CSMD1: variants seen among roughly 807,000 people sequenced by gnomAD.
CSMD1 encodes CUB and Sushi multiple domains 1.
Under a neutral mutation model 417.5 loss-of-function variants are expected in CSMD1, and 213 were observed. The ratio of observed to expected loss-of-function variants is 0.51; its 90% CI spans 0.46 to 0.57. The LOEUF is 0.57. CSMD1 is among the 20% of genes least tolerant of loss of function. CSMD1 has a pLI of 0.00. For missense variants in CSMD1, 6,923 were observed against 4,529.7 expected, an observed-to-expected ratio of 1.53 and a Z score of -15.17; for synonymous variants, 2,862 against 1,736.8, an observed-to-expected ratio of 1.65 and a Z score of -16.11.
intron 12 of CSMD1, among the ~76,000 whole-genome samples, chr8:3,426,802 C>G (rs1813870171): frequency 6.6e-6 from 1 of 152,138 alleles, no homozygotes; most frequent in African/African-American, 2.4e-5. Context: ...CAGTTAGTTT[C>G]CTCATGTTCC....
intron 5 of CSMD1, among the ~76,000 whole-genome samples, chr8:3,890,562 A>G (rs1489801115): frequency 1.3e-5 from 2 of 152,164 alleles, no homozygotes; most frequent in African/African-American, 4.8e-5. Context: ...ACAAAATAAT[A>G]GGTAACACAT....
intron 7 of CSMD1, among the ~76,000 whole-genome samples, chr8:3,644,001 T>G (rs1414005413): frequency 6.6e-6 from 1 of 152,188 alleles, no homozygotes; most frequent in East Asian, 1.9e-4. Flanking sequence ...TTCATCGCTG[T>G]TGTTTCAAAA....
intron 3 of CSMD1, among the ~76,000 whole-genome samples, chr8:4,104,735 A>T (rs1801482128): frequency 6.6e-6 from 1 of 152,244 alleles, no homozygotes; most frequent in African/African-American, 2.4e-5. Context: ...GAACTAGGTC[A>T]GAGCCCGGGG....
At position 4,304,247 on chromosome 8, in the gene CSMD1, G is replaced by T. The variant is rs183021590; in HGVS notation, c.415+115706C>A. Among the ~76,000 whole-genome samples the T allele has an allele frequency of 3.4e-3, 522 of 152,314 alleles. 2 individuals carry two copies. Among genetic ancestry groups the T allele is most frequent in the Middle Eastern group, 0.024 (7 of 294 alleles). ...TTTTATTCTAAATGTGAAGGGCTTTGCAGGCAAAGTCAAGGATTTTATATT... is the reference window on the plus strand; with the variant it reads ...TTTTATTCTAAATGTGAAGGGCTTTTCAGGCAAAGTCAAGGATTTTATATT... On this transcript the variant is annotated intron_variant, in intron 3 of 69. Coordinates refer to ENST00000635120, the MANE Select transcript of CSMD1 (RefSeq NM_033225.6).
At chr8:3,855,758 A>G (rs1034417756) in intron 5 of CSMD1, among the ~76,000 whole-genome samples, 1 of 152,214 alleles carries the variant, frequency 6.6e-6, no homozygotes, top group Non-Finnish European at 1.5e-5. Context: ...GTGAAATCCT[A>G]GAGTCTGCTG....
At chr8:4,680,779 C>T (rs1424143229) in intron 1 of CSMD1, among the ~76,000 whole-genome samples, 1 of 152,036 alleles carries the variant, frequency 6.6e-6, no homozygotes, top group Admixed American at 6.6e-5. Context: ...GAGGTTTCAC[C>T]ATGTTGGCCA....
At chr8:4,034,950 C>A (rs111506318) in intron 3 of CSMD1, among the ~76,000 whole-genome samples, 2 of 152,228 alleles carry the variant, frequency 1.3e-5, no homozygotes, top group East Asian at 1.9e-4. Flanking sequence ...ATGAAACACT[C>A]TGGAAATGGA....
At chr8:3,880,026 T>C (rs1414971260) in intron 5 of CSMD1, among the ~76,000 whole-genome samples, 1 of 151,822 alleles carries the variant, frequency 6.6e-6, no homozygotes, top group East Asian at 1.9e-4. Flanking sequence ...CTAATGTAAG[T>C]ATAAAATCCT....
chr8:4,087,467 C>G (rs995171894), intron 3 of CSMD1, among the ~76,000 whole-genome samples: 2 of 152,214 alleles, frequency 1.3e-5, no homozygotes, highest in Non-Finnish European at 1.5e-5. Context: ...ACTTCTGTCC[C>G]TTTTCTTTCC....
At chr8:4,370,251 G>C (rs756214445) in intron 3 of CSMD1, among the ~76,000 whole-genome samples, 2 of 151,766 alleles carry the variant, frequency 1.3e-5, no homozygotes, top group African/African-American at 2.4e-5. Context: ...ACTTTTTAAG[G>C]ATATTCAATA....
intron 5 of CSMD1, among the ~76,000 whole-genome samples, chr8:3,755,524 G>A (rs2720866): frequency 5.3e-5 from 8 of 152,146 alleles, no homozygotes; most frequent in East Asian, 3.9e-4. Context: ...GTGGTGCTGC[G>A]TGTGGGCCTG....
At chr8:3,706,209 C>A (rs1263879411) in intron 7 of CSMD1, among the ~76,000 whole-genome samples, 1 of 152,234 alleles carries the variant, frequency 6.6e-6, no homozygotes, top group Non-Finnish European at 1.5e-5. Context: ...GCAGTTTACA[C>A]CCCTCTTGAT....
chr8:3,759,427 G>A (rs139449350), intron 5 of CSMD1, among the ~76,000 whole-genome samples: 11 of 152,236 alleles, frequency 7.2e-5, no homozygotes, highest in South Asian at 4.1e-4. Flanking sequence ...AAGATCTACC[G>A]CTGTTGGAGT....
At chr8:4,885,130 G>C (rs1023298576) in intron 1 of CSMD1, among the ~76,000 whole-genome samples, 2 of 152,012 alleles carry the variant, frequency 1.3e-5, no homozygotes, top group African/African-American at 4.8e-5. Context: ...TTTATTTGCA[G>C]AGTCTCATTT....
At chr8:3,589,542 T>C (rs1026118506) in intron 8 of CSMD1, among the ~76,000 whole-genome samples, 6 of 152,146 alleles carry the variant, frequency 3.9e-5, no homozygotes, top group Non-Finnish European at 8.8e-5. Context: ...AGACAAGTAC[T>C]GCATGATCTC....
intron 3 of CSMD1, among the ~76,000 whole-genome samples, chr8:4,037,084 A>G (rs919244416): frequency 6.6e-6 from 1 of 152,194 alleles, no homozygotes; most frequent in Non-Finnish European, 1.5e-5. Context: ...CCCACAACCC[A>G]AAACTGGAAT....
chr8:4,506,272 C>G lies in CSMD1; in HGVS notation c.303-86207G>C, dbSNP rs532896967. 2.0e-5 allele frequency among the ~76,000 whole-genome samples: 3 copies of G among 152,008 alleles called. No individual in the cohort carries two copies. In the South Asian group the frequency reaches 6.2e-4, roughly 32 times the overall value. ...CTCACTAATGTGTTCCAGGAACAGA[C>G]GGATTCATGGAAGCTTCGGTGATGA... On this transcript the variant is annotated intron_variant, in intron 2 of 69. Transcript: ENST00000635120.
intron 36 of CSMD1, among the ~76,000 whole-genome samples, chr8:3,186,640 G>C (rs1362819743): frequency 1.3e-5 from 2 of 152,122 alleles, no homozygotes; most frequent in African/African-American, 4.8e-5. Flanking sequence ...TTGAGTAAAA[G>C]TAGAACGGAA....
intron 2 of CSMD1, among the ~76,000 whole-genome samples, chr8:4,477,349 G>A (rs556006681): frequency 6.6e-6 from 1 of 152,154 alleles, no homozygotes; most frequent in Non-Finnish European, 1.5e-5. Context: ...GGCTGTCATG[G>A]CAGCCGAGGG....
Sources: allele counts gnomAD v4.1 joint callset (sites outside exome capture counted in the v4.1 genomes callset), GRCh38; gene constraint gnomAD v4.1.1; transcripts MANE v1.5; gene names NCBI Gene and HGNC (gene_info 2026-07-23, HGNC 2026-07-21).